LRRTM4: variants seen among roughly 807,000 people sequenced by gnomAD.
The protein encoded by LRRTM4 is leucine rich repeat transmembrane neuronal 4, also known as leucine-rich repeat transmembrane neuronal protein 4.
In LRRTM4, 25 loss-of-function variants were observed where a neutral mutation model predicts 47.6. That is an observed-to-expected ratio of 0.53 (90% CI 0.38 to 0.73). The LOEUF (loss-of-function observed/expected upper bound fraction) is 0.73, where lower values mean the gene tolerates loss of function less well. Among genes scored for constraint, LRRTM4 ranks in the 30% least tolerant of loss-of-function variants. LRRTM4 has a pLI of 0.00. For missense variants in LRRTM4, 638 were observed against 713.4 expected, an observed-to-expected ratio of 0.89 and a Z score of 1.20; for synonymous variants, 311 against 269.5, an observed-to-expected ratio of 1.15 and a Z score of -1.51.
chr2:76,867,306 T>C (rs1381149563), intron 3 of LRRTM4, among the ~76,000 whole-genome samples: 1 of 152,142 alleles, frequency 6.6e-6, no homozygotes, highest in Non-Finnish European at 1.5e-5. Context: ...GTTAGACAGG[T>C]TTCTTTGAGG....
chr2:76,811,617 G>A (rs1288634973), intron 3 of LRRTM4, among the ~76,000 whole-genome samples: 3 of 152,162 alleles, frequency 2.0e-5, no homozygotes, highest in Non-Finnish European at 2.9e-5. Context: ...GCAGGTGAGT[G>A]TGTTTATGTA....
chr2:77,288,898 A>G (rs1032820068), intron 3 of LRRTM4, among the ~76,000 whole-genome samples: 1 of 151,630 alleles, frequency 6.6e-6, no homozygotes, highest in African/African-American at 2.4e-5. Flanking sequence ...TTACAACGCT[A>G]TTACCACATT....
intron 3 of LRRTM4, among the ~76,000 whole-genome samples, chr2:76,834,908 G>A (rs1381673682): frequency 1.3e-5 from 2 of 152,110 alleles, no homozygotes; most frequent in Non-Finnish European, 2.9e-5. Flanking sequence ...GACTGGAAAA[G>A]TTTGATCTTC....
intron 3 of LRRTM4, among the ~76,000 whole-genome samples, chr2:76,753,877 C>G (rs1398867943): frequency 6.6e-6 from 1 of 152,098 alleles, no homozygotes; most frequent in Non-Finnish European, 1.5e-5. Context: ...GATATTGTGA[C>G]CCTCTTTTCT....
At chr2:77,488,255 G>A (rs1678003947) in intron 3 of LRRTM4, among the ~76,000 whole-genome samples, 1 of 152,156 alleles carries the variant, frequency 6.6e-6, no homozygotes, top group African/African-American at 2.4e-5. Context: ...GCCACTTGCG[G>A]TACATCTGGT....
intron 3 of LRRTM4, among the ~76,000 whole-genome samples, chr2:77,479,151 C>T (rs914385731): frequency 2.7e-4 from 41 of 152,184 alleles, no homozygotes; most frequent in African/African-American, 8.2e-4. Flanking sequence ...CTGTCTCGGC[C>T]CCCCAGAGTG....
chr2:76,957,117 G>T (rs905768824), intron 3 of LRRTM4, among the ~76,000 whole-genome samples: 20 of 151,640 alleles, frequency 1.3e-4, no homozygotes, highest in Admixed American at 1.2e-3. Flanking sequence ...CTACAACATG[G>T]ATACACTTTA....
intron 3 of LRRTM4, among the ~76,000 whole-genome samples, chr2:77,016,864 G>T (rs1678089769): frequency 6.6e-6 from 1 of 151,822 alleles, no homozygotes; most frequent in Non-Finnish European, 1.5e-5. Context: ...TATTTGAAAT[G>T]ATACTTTATT....
intron 3 of LRRTM4, among the ~76,000 whole-genome samples, chr2:77,020,091 T>C (rs1678213450): frequency 6.6e-6 from 1 of 152,116 alleles, no homozygotes; most frequent in African/African-American, 2.4e-5. Flanking sequence ...ATAGATATTA[T>C]AAATGTGCTT....
Position 77,106,202 on chromosome 2 carries a change from G to T in LRRTM4, c.1552-357286C>A, listed in dbSNP as rs55831799. On this transcript the variant is annotated intron_variant, in intron 3 of 3. Coordinates refer to ENST00000409884, the MANE Select transcript of LRRTM4 (RefSeq NM_001134745.3). ...GTTTTCTTATCATGACACTCTAAATGATTTTCATGACAACTTCACTATTAT... is the reference window on the plus strand; with the variant it reads ...GTTTTCTTATCATGACACTCTAAATTATTTTCATGACAACTTCACTATTAT... Among the ~76,000 whole-genome samples, 659 of 152,220 alleles carry T rather than the reference G, an allele frequency of 4.3e-3. 4 individuals carry two copies. Among genetic ancestry groups the T allele is most frequent in the African/African-American group, 0.015 (607 of 41,532 alleles).
chr2:77,313,331 T>C lies in LRRTM4; in HGVS notation c.1551+204987A>G, dbSNP rs369851612. ...TGGTGCTGGGATGTGCCCCCCTACC[T>C]TTTCCTGGGACCTGGTGCTGGGATG... is the stretch of plus-strand genomic sequence containing the variant. On this transcript the variant is annotated intron_variant, in intron 3 of 3. Transcript: ENST00000409884. Among the ~76,000 whole-genome samples, 810 of 143,242 alleles carry C rather than the reference T, an allele frequency of 5.7e-3. 7 individuals are homozygous for C. Among genetic ancestry groups the C allele is most frequent in the African/African-American group, 0.02 (725 of 36,940 alleles). The allele number at this position is 143,242 out of a possible 152,430, so 94.0% of individuals were successfully genotyped here.
intron 3 of LRRTM4, among the ~76,000 whole-genome samples, chr2:77,514,667 A>G (rs1679143381): frequency 6.6e-6 from 1 of 151,974 alleles, no homozygotes. Context: ...AACACTTTGG[A>G]TGGAGAGTCT....
intron 3 of LRRTM4, among the ~76,000 whole-genome samples, chr2:77,323,269 G>T: frequency 6.6e-6 from 1 of 152,100 alleles, no homozygotes; most frequent in East Asian, 1.9e-4. Context: ...GGTCAGCGGA[G>T]GAACAGTCTC....
chr2:76,924,702 T>A (rs1314581943), intron 3 of LRRTM4, among the ~76,000 whole-genome samples: 1 of 151,956 alleles, frequency 6.6e-6, no homozygotes, highest in Non-Finnish European at 1.5e-5. Context: ...TGAGAAACAC[T>A]AGCTGAATGC....
At chr2:76,970,812 T>C (rs910926700) in intron 3 of LRRTM4, among the ~76,000 whole-genome samples, 1 of 152,066 alleles carries the variant, frequency 6.6e-6, no homozygotes, top group Non-Finnish European at 1.5e-5. Context: ...TAGTGTGCCA[T>C]CTAAATGTCA....
chr2:77,169,085 G>A (rs79623954), intron 3 of LRRTM4, among the ~76,000 whole-genome samples: 5,228 of 152,196 alleles, frequency 0.034, 151 homozygotes, highest in African/African-American at 0.082. Context: ...CTTCAGCATA[G>A]TCAAGATCAT....
chr2:77,323,493 T>C (rs1006318956), intron 3 of LRRTM4, among the ~76,000 whole-genome samples: 4 of 152,144 alleles, frequency 2.6e-5, no homozygotes, highest in Non-Finnish European at 5.9e-5. Context: ...TTGTTTCTTA[T>C]GCCAGTTTCA....
chr2:77,519,875 A>T lies in LRRTM4; in HGVS notation c.5-11T>A. 6.5e-7 allele frequency: 1 copy of T among 1,534,650 alleles called. No individual in the cohort carries two copies. Among genetic ancestry groups the T allele is most frequent in the Non-Finnish European group, 8.8e-7 (1 of 1,132,526 alleles). On this transcript the variant is annotated splice_polypyrimidine_tract_variant and intron_variant, in intron 2 of 3. Coordinates refer to ENST00000409884, the MANE Select transcript of LRRTM4 (RefSeq NM_001134745.3). The surrounding 1 kb of genome is among the most constrained non-coding windows in gnomAD (Gnocchi z 4.6). ...TAATTAAATGGAAACCTACGATATTAAAAAAAAGACAGATGCACATTGTGA... is the reference window on the plus strand; with the variant it reads ...TAATTAAATGGAAACCTACGATATTTAAAAAAAGACAGATGCACATTGTGA...
At chr2:77,073,253 T>C (rs1483812176) in intron 3 of LRRTM4, among the ~76,000 whole-genome samples, 1 of 152,166 alleles carries the variant, frequency 6.6e-6, no homozygotes, top group Non-Finnish European at 1.5e-5. Flanking sequence ...TCTTATGTCA[T>C]TAACATTTTA....
Sources: gnomAD v4.1 joint callset for allele counts (sites outside exome capture counted in the v4.1 genomes callset) on GRCh38, gnomAD v4.1.1 for gene constraint, Gnocchi (gnomAD v3.1) non-coding constraint, MANE v1.5 for transcripts, NCBI Gene and HGNC (gene_info 2026-07-23, HGNC 2026-07-21) for gene names.